TTC7A: variants seen among roughly 807,000 people sequenced by gnomAD.
TTC7A encodes the protein tetratricopeptide repeat domain 7A.
A neutral mutation model predicts 103.7 loss-of-function variants in TTC7A; 110 were observed. The observed-to-expected ratio is 1.06, with a 90% CI of 0.91 to 1.24. TTC7A has a LOEUF of 1.24. TTC7A is among the 50% of genes most tolerant of loss of function. The pLI, the probability that TTC7A is intolerant of heterozygous loss-of-function variation, is 0.00. For synonymous variants in TTC7A, 521 were observed against 467.9 expected (o/e 1.11, Z -1.47); for missense variants, 1,340 against 1,116.3 (o/e 1.20, Z -2.86).
rs140592489 is a variant in TTC7A, at chr2:46,977,810, C to T, written c.649-982C>T. On this transcript the variant is annotated intron_variant, in intron 4 of 19. Transcript: ENST00000319190. ...CTGGTCTGGAACTCCTGGCCTCAAG[C>T]GATTCTCTTGCCTCGGCCTCCCAAA... is the stretch of plus-strand genomic sequence containing the variant. Among the ~76,000 whole-genome samples the T allele has an allele frequency of 3.3e-3, 497 of 152,236 alleles. 4 individuals are homozygous for T. The highest frequency in any genetic ancestry group is 0.012 in the African/African-American group (484 of 41,526).
At chr2:47,027,627 G>A (rs1680055310) in intron 14 of TTC7A, among the ~76,000 whole-genome samples, 2 of 152,246 alleles carry the variant, frequency 1.3e-5, no homozygotes, top group Non-Finnish European at 2.9e-5. Context: ...CAGCTCTTGT[G>A]TATTCACAAA....
intron 13 of TTC7A, among the ~76,000 whole-genome samples, chr2:47,023,967 C>T (rs950099602): frequency 6.6e-6 from 1 of 151,946 alleles, no homozygotes. Flanking sequence ...TTGTCACTCC[C>T]TCTCTGCCCA....
At chr2:46,966,716 T>C (rs1481386939) in intron 3 of TTC7A, among the ~76,000 whole-genome samples, 1 of 150,582 alleles carries the variant, frequency 6.6e-6, no homozygotes, top group East Asian at 2.0e-4. Context: ...GGTCCTGAAC[T>C]CCTGGGCTCA....
intron 2 of TTC7A, among the ~76,000 whole-genome samples, chr2:46,935,710 G>A (rs935758476): frequency 6.6e-6 from 1 of 152,166 alleles, no homozygotes; most frequent in Non-Finnish European, 1.5e-5. Context: ...ATCCTCTGAG[G>A]CTCTTAAGCT....
At chr2:46,989,344 C>G (rs979200598) in intron 5 of TTC7A, among the ~76,000 whole-genome samples, 3 of 152,256 alleles carry the variant, frequency 2.0e-5, no homozygotes, top group Non-Finnish European at 4.4e-5. Context: ...GAAAGGTCAG[C>G]ATGAGAGACA....
At chr2:46,997,960 C>T (rs1361225837) in intron 8 of TTC7A, among the ~76,000 whole-genome samples, 1 of 152,088 alleles carries the variant, frequency 6.6e-6, no homozygotes, top group African/African-American at 2.4e-5. Context: ...TGCTTGGAGC[C>T]AGGTGGGTTT....
At chr2:47,044,270 C>G (rs1682071503) in intron 15 of TTC7A, among the ~76,000 whole-genome samples, 1 of 152,246 alleles carries the variant, frequency 6.6e-6, no homozygotes. Context: ...TCCAAAAATT[C>G]AGCCCTTGAT....
In TTC7A at chr2:46,975,119, C is replaced by T; in HGVS notation, c.648+16C>T. 6.2e-7 allele frequency: 1 copy of T among 1,612,664 alleles called. No homozygotes were observed. The highest frequency in any genetic ancestry group is 8.5e-7 in the Non-Finnish European group (1 of 1,179,132). On this transcript the variant is annotated intron_variant, in intron 4 of 19. Coordinates refer to ENST00000319190, the MANE Select transcript of TTC7A (RefSeq NM_020458.4). ...ATTGGAGAAGGTGAGCTGGAAATAA[C>T]ACCGTGGTAGGAGCTGCTCTCTATT... is the stretch of plus-strand genomic sequence containing the variant.
chr2:46,959,608 C>G (rs765414218), intron 3 of TTC7A, among the ~76,000 whole-genome samples: 1 of 152,136 alleles, frequency 6.6e-6, no homozygotes, highest in Non-Finnish European at 1.5e-5. Context: ...CGCCCCCACC[C>G]TCAAAAGACA....
intron 3 of TTC7A, among the ~76,000 whole-genome samples, chr2:46,958,750 G>A (rs916918077): frequency 1.3e-5 from 2 of 152,208 alleles, no homozygotes; most frequent in Admixed American, 6.5e-5. Context: ...GACCATGCAC[G>A]TGGCCACCAG....
chr2:46,972,936 T>G (rs1201546874), intron 3 of TTC7A, among the ~76,000 whole-genome samples: 2 of 152,192 alleles, frequency 1.3e-5, no homozygotes, highest in Non-Finnish European at 2.9e-5. Flanking sequence ...GGAGGGTGGA[T>G]GTTTTTCTTC....
At chr2:46,923,543 C>G (rs1290044242) in intron 2 of TTC7A, among the ~76,000 whole-genome samples, 1 of 152,120 alleles carries the variant, frequency 6.6e-6, no homozygotes, top group East Asian at 1.9e-4. Context: ...AGTATCAGAC[C>G]TGTCTCTTTA....
chr2:47,041,988 A>G (rs965176635), intron 15 of TTC7A, among the ~76,000 whole-genome samples: 6 of 152,132 alleles, frequency 3.9e-5, no homozygotes, highest in African/African-American at 1.4e-4. Flanking sequence ...TCGAAGAAAG[A>G]CGGGATGATT....
At chr2:46,951,773 C>G in intron 2 of TTC7A, 1 of 417,618 alleles carries the variant, frequency 2.4e-6, no homozygotes, top group Non-Finnish European at 4.8e-6. Flanking sequence ...TTCCAACGTA[C>G]TGTGTGCAAG....
intron 11 of TTC7A, among the ~76,000 whole-genome samples, chr2:47,020,542 C>G (rs1335719469): frequency 6.6e-6 from 1 of 152,222 alleles, no homozygotes; most frequent in East Asian, 1.9e-4. Flanking sequence ...AATCAGGAAG[C>G]AGCCCACTGC....
In TTC7A at chr2:46,950,377, T is replaced by C. The variant is rs762005254; in HGVS notation, c.199T>C (p.Leu67=). The change falls in exon 2 of 20, where the codon TTG becomes CTG. Residue 67 remains leucine (L), a synonymous_variant. Transcript: ENST00000319190. ...TTGCTTTTCAGATGACTTTGGGAAA[T>C]TGCTGCTGGCTGAGGCCCTCCTGGA... ...TFPDTDDFGK[L]LLAEALLEQC... 3.7e-6 allele frequency: 6 copies of C among 1,613,922 alleles called. No homozygotes were observed. Among genetic ancestry groups the C allele is most frequent in the Non-Finnish European group, 3.4e-6 (4 of 1,180,010 alleles).
At chr2:46,929,093 G>T (rs1047728361) in intron 2 of TTC7A, among the ~76,000 whole-genome samples, 1 of 152,146 alleles carries the variant, frequency 6.6e-6, no homozygotes, top group Non-Finnish European at 1.5e-5. Flanking sequence ...AACCTGGAAG[G>T]TGGAGGTTGG....
At chr2:46,923,083 A>G (rs1405274115) in intron 2 of TTC7A, among the ~76,000 whole-genome samples, 5 of 152,232 alleles carry the variant, frequency 3.3e-5, no homozygotes, top group Non-Finnish European at 7.3e-5. Flanking sequence ...TTCTGTCCCC[A>G]TGGAGTTGGA....
chr2:47,074,153 G>C lies in TTC7A; in HGVS notation c.*230G>C. The C allele has an allele frequency of 1.7e-6, 1 of 571,554 alleles. No homozygotes were observed. The highest frequency in any genetic ancestry group is 2.0e-5 in the South Asian group (1 of 48,948). The allele number at this position is 571,554 out of a possible 1,614,324, so 35.4% of individuals were successfully genotyped here. A position where few individuals can be genotyped will look rare whatever the true frequency, so the allele number is the denominator to read the frequency against. On this transcript the variant is annotated 3_prime_UTR_variant, in exon 20 of 20. Coordinates refer to ENST00000319190, the MANE Select transcript of TTC7A (RefSeq NM_020458.4). Reference sequence around the variant, plus strand: ...TCTGACTTGAACCCTAAGTGCCTTTGGAGAGTTTTGTGGTGACCAGACTTG... The same window carrying C: ...TCTGACTTGAACCCTAAGTGCCTTTCGAGAGTTTTGTGGTGACCAGACTTG...
Sources: gnomAD v4.1 joint callset for allele counts (sites outside exome capture counted in the v4.1 genomes callset) on GRCh38, gnomAD v4.1.1 for gene constraint, MANE v1.5 for transcripts, NCBI Gene and HGNC (gene_info 2026-07-23, HGNC 2026-07-21) for gene names.